The following CNTN5 variants were observed in gnomAD, a reference collection of about 807,000 sequenced individuals.
The protein encoded by CNTN5 is contactin 5, also known as contactin-5.
Under a neutral mutation model 129.1 loss-of-function variants are expected in CNTN5, and 77 were observed. The observed-to-expected ratio is 0.60, with a 90% CI of 0.50 to 0.72. The LOEUF (loss-of-function observed/expected upper bound fraction) is 0.72, where lower values mean the gene tolerates loss of function less well. Ranked by LOEUF, CNTN5 falls within the 30% of genes least tolerant of loss-of-function variation. CNTN5 has a pLI of 0.00. For synonymous variants in CNTN5, 509 were observed against 465.6 expected (o/e 1.09, Z -1.20); for missense variants, 1,478 against 1,328.8 (o/e 1.11, Z -1.75).
At chr11:99,699,940 A>C (rs185531568) in intron 3 of CNTN5, among the ~76,000 whole-genome samples, 32 of 151,554 alleles carry the variant, frequency 2.1e-4, no homozygotes, top group Non-Finnish European at 4.1e-4. Context: ...GCACTTTGCA[A>C]ACCCTAACAC....
intron 18 of CNTN5, among the ~76,000 whole-genome samples, chr11:100,297,127 T>G (rs1249261248): frequency 1.3e-5 from 2 of 151,514 alleles, no homozygotes; most frequent in Admixed American, 1.3e-4. Flanking sequence ...AAATGTTTAT[T>G]CATTTAAGTA....
intron 13 of CNTN5, among the ~76,000 whole-genome samples, chr11:100,187,435 A>G (rs1948333997): frequency 6.6e-6 from 1 of 152,078 alleles, no homozygotes; most frequent in South Asian, 2.1e-4. Flanking sequence ...TGTAACTAGA[A>G]AAACTTATTC....
chr11:99,133,604 C>A (rs1341935683), intron 1 of CNTN5, among the ~76,000 whole-genome samples: 1 of 84,410 alleles, frequency 1.2e-5, no homozygotes, highest in Non-Finnish European at 2.2e-5. Flanking sequence ...AGGATAGGAA[C>A]AGACACTTCT....
At chr11:99,273,798 A>ATT (rs34339608) in intron 1 of CNTN5, among the ~76,000 whole-genome samples, 1 of 149,738 alleles carries the variant, frequency 6.7e-6, no homozygotes, top group Admixed American at 6.7e-5. Context: ...TATACTTATG[A>ATT]TTTTTTTTTT....
At chr11:99,684,097 C>T (rs1375943729) in intron 3 of CNTN5, among the ~76,000 whole-genome samples, 1 of 151,652 alleles carries the variant, frequency 6.6e-6, no homozygotes, top group Non-Finnish European at 1.5e-5. Context: ...TTCCCATGCC[C>T]CAACCCCCGT....
intron 3 of CNTN5, among the ~76,000 whole-genome samples, chr11:99,618,054 G>C (rs1470517631): frequency 6.6e-6 from 1 of 151,984 alleles, no homozygotes; most frequent in African/African-American, 2.4e-5. Flanking sequence ...AGTATGTGGG[G>C]GTAAATATTT....
intron 1 of CNTN5, among the ~76,000 whole-genome samples, chr11:99,258,972 A>G (rs574728544): frequency 6.6e-6 from 1 of 152,038 alleles, no homozygotes; most frequent in East Asian, 1.9e-4. Context: ...GGAATTAAAA[A>G]TTTATAGCTA....
At chr11:99,794,887 T>A (rs1183025433) in intron 3 of CNTN5, among the ~76,000 whole-genome samples, 1 of 152,180 alleles carries the variant, frequency 6.6e-6, no homozygotes, top group Non-Finnish European at 1.5e-5. Flanking sequence ...GAGAATCTGA[T>A]GACTATGTGT....
chr11:99,425,903 T>C (rs1312302369), intron 2 of CNTN5, among the ~76,000 whole-genome samples: 1 of 152,204 alleles, frequency 6.6e-6, no homozygotes, highest in Non-Finnish European at 1.5e-5. Context: ...TCCAGAAAGG[T>C]CACTGCTGCC....
At chr11:99,914,682 T>C (rs1949743363) in intron 6 of CNTN5, among the ~76,000 whole-genome samples, 1 of 152,120 alleles carries the variant, frequency 6.6e-6, no homozygotes, top group Non-Finnish European at 1.5e-5. Flanking sequence ...TAACTGTTTA[T>C]AAAGAAACAT....
intron 15 of CNTN5, among the ~76,000 whole-genome samples, chr11:100,219,137 C>T (rs1949207498): frequency 6.6e-6 from 1 of 152,184 alleles, no homozygotes; most frequent in Non-Finnish European, 1.5e-5. Flanking sequence ...CTCCCCATGT[C>T]TCTTCAAAGC....
At chr11:99,617,887 A>G (rs1431222147) in intron 3 of CNTN5, among the ~76,000 whole-genome samples, 3 of 152,164 alleles carry the variant, frequency 2.0e-5, no homozygotes, top group Admixed American at 6.5e-5. Context: ...TTTGTTCATT[A>G]TTGGTTAACA....
In CNTN5 at chr11:99,340,702, A is replaced by T. The variant is rs1866473274; in HGVS notation, c.-71+15218A>T. On this transcript the variant is annotated intron_variant, in intron 2 of 24. Transcript: ENST00000524871. Reference sequence around the variant, plus strand: ...TCAAACGGTAGGAGAAAAAGCAAAGAAAGCAAGTACAGATAGATTTTTCTC... The same window carrying T: ...TCAAACGGTAGGAGAAAAAGCAAAGTAAGCAAGTACAGATAGATTTTTCTC... Among the ~76,000 whole-genome samples, 3 of 152,334 alleles carry T rather than the reference A, an allele frequency of 2.0e-5. No individual in the cohort carries two copies. The South Asian group carries it at 6.2e-4, about 32-fold the overall frequency.
chr11:99,937,427 C>T (rs772187760), intron 7 of CNTN5, among the ~76,000 whole-genome samples: 7 of 152,210 alleles, frequency 4.6e-5, no homozygotes, highest in Non-Finnish European at 1.0e-4. Context: ...TTCTTCCCCT[C>T]AGGGAGAATG....
At chr11:99,026,062 A>G (rs1320110047) in intron 1 of CNTN5, among the ~76,000 whole-genome samples, 4 of 151,648 alleles carry the variant, frequency 2.6e-5, no homozygotes, top group Non-Finnish European at 5.9e-5. Flanking sequence ...ATTAAAAGTA[A>G]TATTATTGGA....
At chr11:99,923,757 G>GTCTGTCTGTCTGTCTATCTA (rs71050033) in intron 7 of CNTN5, among the ~76,000 whole-genome samples, 15 of 140,702 alleles carry the variant, frequency 1.1e-4, no homozygotes, top group African/African-American at 4.1e-4. Context: ...CTATCTGTCT[G>GTCTGTCTGTCTGTCTATCTA]TCTATCTATC....
chr11:100,188,718 A>G (rs1004332019), intron 13 of CNTN5, among the ~76,000 whole-genome samples: 2 of 152,198 alleles, frequency 1.3e-5, no homozygotes, highest in African/African-American at 4.8e-5. Flanking sequence ...TCAACCCAAC[A>G]ATCCCATTAC....
chr11:99,373,228 T>G (rs1939940232), intron 2 of CNTN5, among the ~76,000 whole-genome samples: 1 of 152,020 alleles, frequency 6.6e-6, no homozygotes, highest in Non-Finnish European at 1.5e-5. Context: ...CAGGTTATAA[T>G]TTGAGGTTCT....
intron 21 of CNTN5, among the ~76,000 whole-genome samples, chr11:100,324,134 C>T (rs989494921): frequency 6.6e-6 from 1 of 152,034 alleles, no homozygotes. Flanking sequence ...AGGACTGCAA[C>T]CCAGGAGTAT....
Sources: gnomAD v4.1 joint callset for allele counts (sites outside exome capture counted in the v4.1 genomes callset) on GRCh38, gnomAD v4.1.1 for gene constraint, MANE v1.5 for transcripts, NCBI Gene and HGNC (gene_info 2026-07-23, HGNC 2026-07-21) for gene names.